Variants in TCHHL1 observed in about 807,000 individuals in gnomAD.
TCHHL1 encodes trichohyalin like 1.
TCHHL1 carries 1 observed loss-of-function variant against 3.5 expected under a neutral mutation model. The ratio of observed to expected loss-of-function variants is 0.29; its 90% CI spans 0.10 to 1.36. The LOEUF (loss-of-function observed/expected upper bound fraction) is 1.36, where lower values mean the gene tolerates loss of function less well. TCHHL1 is among the 40% of genes most tolerant of loss of function. The pLI is 0.43. For synonymous variants in TCHHL1, 405 were observed against 375.3 expected (o/e 1.08, Z -0.92); for missense variants, 1,027 against 1,032.8 (o/e 0.99, Z 0.08).
intron 1 of TCHHL1, among the ~76,000 whole-genome samples, chr1:152,088,384 C>T (rs935481195): frequency 2.6e-5 from 4 of 152,074 alleles, no homozygotes; most frequent in Admixed American, 6.6e-5. Context: ...GACAATTCAC[C>T]CCACTCTTCA....
In TCHHL1 at chr1:152,085,263, C is replaced by T. The variant is rs764320827; in HGVS notation, c.2419G>A (p.Glu807Lys). The change falls in exon 3 of 3, where the codon GAG becomes AAG. Residue 807 changes from glutamate to lysine, a missense_variant. Physicochemically the swap from Glu to Lys is moderately conservative, Grantham distance 56 (BLOSUM62 1). Coordinates refer to ENST00000368806, the MANE Select transcript of TCHHL1 (RefSeq NM_001008536.2). ...ACATTTGTTTGCTGCAGTATCTTCT[C>T]CTGTAGGTACTGGTATAGTGGACTG... ...YSSPLYQYLQ[E>K]KILQQTNVTQ... is the part of the protein sequence containing the mutation. The T allele has an allele frequency of 2.0e-5, 33 of 1,614,016 alleles. No homozygotes were observed. Among genetic ancestry groups the T allele is most frequent in the East Asian group, 2.2e-5 (1 of 44,892 alleles).
Position 152,087,002 on chromosome 1 carries a change from T to A in TCHHL1, c.680A>T (p.Gln227Leu). ...KTSSPTERKG[Q>L]DKEISQEGDE... ...TCCTTCCTGGGAGATCTCCTTATCTTGTCCCTTCCTCTCTGTGGGACTGCT... is the reference window on the plus strand; with the variant it reads ...TCCTTCCTGGGAGATCTCCTTATCTAGTCCCTTCCTCTCTGTGGGACTGCT... Residue 227 changes from glutamine to leucine, a missense_variant, in exon 3 of 3, where the codon CAA becomes CTA. This residue lies in a region of TCHHL1 where 338 missense variants were observed against 335.9 expected (regional missense o/e 1.01). Coordinates refer to ENST00000368806, the MANE Select transcript of TCHHL1 (RefSeq NM_001008536.2). The A allele has an allele frequency of 6.2e-7, 1 of 1,614,194 alleles. No homozygotes were observed. Among genetic ancestry groups the A allele is most frequent in the South Asian group, 1.1e-5 (1 of 91,072 alleles).
At chr1:152,087,952 T>C (rs1464339178) in intron 2 of TCHHL1, 54 bp downstream of exon 2, 4 of 1,521,572 alleles carry the variant, frequency 2.6e-6, no homozygotes, top group Non-Finnish European at 3.5e-6. Flanking sequence ...CTTGCTTGGA[T>C]TATAAAGAAA....
chr1:152,086,982 C>T lies in TCHHL1; in HGVS notation c.700G>A (p.Glu234Lys). 6.2e-7 allele frequency: 1 copy of T among 1,614,002 alleles called. No individual in the cohort carries two copies. The highest frequency in any genetic ancestry group is 8.5e-7 in the Non-Finnish European group (1 of 1,179,990). ...RKGQDKEISQ[E>K]GDEPAREQSV... Reference sequence around the variant, plus strand: ...TGCTCTCTGGCTGGTTCATCTCCTTCCTGGGAGATCTCCTTATCTTGTCCC... The same window carrying T: ...TGCTCTCTGGCTGGTTCATCTCCTTTCTGGGAGATCTCCTTATCTTGTCCC... The change falls in exon 3 of 3, where the codon GAA (glutamate) becomes AAA (lysine). Residue 234 changes from glutamate (E) to lysine (K), a missense_variant. Coordinates refer to ENST00000368806, the MANE Select transcript of TCHHL1 (RefSeq NM_001008536.2).
In TCHHL1 at chr1:152,085,735, G is replaced by A; in HGVS notation, c.1947C>T (p.Pro649=). 6.2e-7 allele frequency: 1 copy of A among 1,614,100 alleles called. No homozygotes were observed. The highest frequency in any genetic ancestry group is 1.1e-5 in the South Asian group (1 of 91,080). The part of the protein sequence containing the change: ...GTKGPGAAVE[P]NGHPEAQEST... ...ATTCCTGTGCTTCTGGGTGTCCATTGGGCTCCACAGCTGCACCTGGGCCTT... is the reference window on the plus strand; with the variant it reads ...ATTCCTGTGCTTCTGGGTGTCCATTAGGCTCCACAGCTGCACCTGGGCCTT... The change falls in exon 3 of 3, where the codon CCC becomes CCT. Residue 649 remains proline (P), a synonymous_variant. Transcript: ENST00000368806.
rs1315181584 is a variant in TCHHL1 at position 152,085,353 on chromosome 1, T to C, written c.2329A>G (p.Ser777Gly). The C allele has an allele frequency of 6.2e-7, 1 of 1,614,222 alleles. No homozygotes were observed. The highest frequency in any genetic ancestry group is 1.1e-5 in the South Asian group (1 of 91,082). ...TCTCTCTGCATCTGCTTTTCAAGAC[T>C]TGACCAGGGGACTGAAGAATTGTGC... is the stretch of plus-strand genomic sequence containing the variant. ...KEHNSSVPWS[S>G]LEKQMQRDQE... is the part of the protein sequence containing the mutation. The change falls in exon 3 of 3, where the codon AGT becomes GGT. Residue 777 changes from serine (S) to glycine (G), a missense_variant. Physicochemically the swap from Ser to Gly is moderately conservative, Grantham distance 56. Coordinates refer to ENST00000368806, the MANE Select transcript of TCHHL1 (RefSeq NM_001008536.2).
chr1:152,087,385 C>T lies in TCHHL1; in HGVS notation c.297G>A (p.Val99=). ...KSLLSSELRQ[V]TKPEKEKLDD... is the part of the protein sequence containing the mutation. ...CTAGCTTCTCCTTCTCTGGTTTAGT[C>T]ACCTGTCTTAGTTCAGAACTTAGTA... The change falls in exon 3 of 3, where the codon GTG becomes GTA. Residue 99 remains valine (V), a synonymous_variant. Transcript: ENST00000368806. 7 of 1,613,470 alleles carry T rather than the reference C, an allele frequency of 4.3e-6. No individual in the cohort carries two copies. Among genetic ancestry groups the T allele is most frequent in the Non-Finnish European group, 5.9e-6 (7 of 1,180,026 alleles).
Position 152,084,606 on chromosome 1 carries a change from C to G in TCHHL1, c.*361G>C, listed in dbSNP as rs757868004. On this transcript the variant is annotated 3_prime_UTR_variant, in exon 3 of 3. Transcript: ENST00000368806. ...TGATTATGAGATATTATTGCAGAGTCTTATAATTTCCTACTGCTCTATTTT... is the reference window on the plus strand; with the variant it reads ...TGATTATGAGATATTATTGCAGAGTGTTATAATTTCCTACTGCTCTATTTT... 3.2e-5 allele frequency: 6 copies of G among 187,374 alleles called. No homozygotes were observed. Among genetic ancestry groups the G allele is most frequent in the African/African-American group, 1.4e-4 (6 of 42,268 alleles). 11.6% of individuals were successfully genotyped at this position (187,374 alleles called of 1,614,324 possible).
At position 152,086,347 on chromosome 1, in the gene TCHHL1, T is replaced by C. The variant is rs751267356; in HGVS notation, c.1335A>G (p.Gln445=). 5.2e-5 allele frequency: 84 copies of C among 1,614,108 alleles called. No individual in the cohort carries two copies. The highest frequency in any genetic ancestry group is 6.9e-5 in the Non-Finnish European group (81 of 1,180,048). Residue 445 remains glutamine (Q), a synonymous_variant, in exon 3 of 3, where the codon CAA becomes CAG. Transcript: ENST00000368806. ...GATCTCCTCCTTCTGAGCTTAGATATTGTGTCTCAGAACCTTTTTCAGCAT... is the reference window on the plus strand; with the variant it reads ...GATCTCCTCCTTCTGAGCTTAGATACTGTGTCTCAGAACCTTTTTCAGCAT... ...SKDAEKGSET[Q]YLSSEGGDQT...
chr1:152,086,068 T>A lies in TCHHL1; in HGVS notation c.1614A>T (p.Pro538=). Residue 538 remains proline (P), a synonymous_variant, in exon 3 of 3, where the codon CCA becomes CCT. Transcript: ENST00000368806. The part of the protein sequence containing the change: ...DGYQGEDPES[P]FTQSDEGSSE... Reference sequence around the variant, plus strand: ...AAGACCCCTCATCACTCTGTGTGAATGGTGACTCAGGGTCCTCCCCCTGGT... The same window carrying A: ...AAGACCCCTCATCACTCTGTGTGAAAGGTGACTCAGGGTCCTCCCCCTGGT... The A allele has an allele frequency of 6.2e-7, 1 of 1,614,196 alleles. No homozygotes were observed. Among genetic ancestry groups the A allele is most frequent in the African/African-American group, 1.3e-5 (1 of 75,046 alleles).
At position 152,086,641 on chromosome 1, in the gene TCHHL1, T is replaced by C; in HGVS notation, c.1041A>G (p.Thr347=). The C allele has an allele frequency of 6.2e-7, 1 of 1,614,168 alleles. No homozygotes were observed. Among genetic ancestry groups the C allele is most frequent in the South Asian group, 1.1e-5 (1 of 91,076 alleles). ...AATCCTCAGGTTCACCCAAATTCTT[T>C]GTTTTAGCTGGTGTCTGGTCAGCAT... The part of the protein sequence containing the change: ...GKDADQTPAK[T]KNLGEPEDYG... Residue 347 remains threonine (T), a synonymous_variant, in exon 3 of 3, where the codon ACA becomes ACG. Transcript: ENST00000368806.
rs1557801788 is a variant in TCHHL1, at chr1:152,086,814, CT to C, written c.867del (p.Glu290AsnfsTer98). 1 of 1,614,096 alleles carries C rather than the reference CT, an allele frequency of 6.2e-7. No individual in the cohort carries two copies. Among genetic ancestry groups the C allele is most frequent in the East Asian group, 2.2e-5 (1 of 44,880 alleles). ...TCATCTTCTCTTTGTAGGGGTGGTT[CT>C]TGTATATTAGAGTGTTTTTCCTTTT... Reference protein sequence around the residue: ...RTEKEKHSNIQEPPLQREDEP... With the variant: ...RTEKEKHSNIXEPPLQREDEP... On this transcript the variant is annotated frameshift_variant, in exon 3 of 3. Coordinates refer to ENST00000368806, the MANE Select transcript of TCHHL1 (RefSeq NM_001008536.2). LOFTEE classifies it low-confidence loss of function (END_TRUNC).
rs1198387747 is a variant in TCHHL1, at chr1:152,087,534, G to T, written c.148C>A (p.Leu50Ile). The T allele has an allele frequency of 1.9e-6, 3 of 1,593,494 alleles. No homozygotes were observed. The highest frequency in any genetic ancestry group is 1.1e-5 in the South Asian group (1 of 89,388). The change falls in exon 3 of 3, where the codon CTT becomes ATT. Residue 50 changes from leucine to isoleucine, a missense_variant. Physicochemically the swap from Leu to Ile is conservative, Grantham distance 5. Coordinates refer to ENST00000368806, the MANE Select transcript of TCHHL1 (RefSeq NM_001008536.2). ...TTTGAATTTTTTTCCACAGCATGAA[G>T]GACACAGGGCTGCATGAAAACACAG... ...EFGDFFQPCV[L>I]HAVEKNSNLL...
rs746109853 is a variant in TCHHL1 at position 152,086,213 on chromosome 1, T to A, written c.1469A>T (p.Glu490Val). The A allele has an allele frequency of 6.2e-7, 1 of 1,614,244 alleles. No individual in the cohort carries two copies. The highest frequency in any genetic ancestry group is 1.1e-5 in the South Asian group (1 of 91,086). ...FVNSKNAPAAERTLGARERTQ... is the reference protein window; with the variant it reads ...FVNSKNAPAAVRTLGARERTQ... ...TCTTTCTCTTGCCCCCAGTGTCCTT[T>A]CTGCTGCAGGTGCGTTTTTGCTGTT... Residue 490 changes from glutamate to valine, a missense_variant, in exon 3 of 3, where the codon GAA (glutamate) becomes GTA (valine). Glu to Val is a moderately radical substitution (Grantham distance 121, BLOSUM62 -2). Around this residue, in one of 3 missense-constraint regions of TCHHL1, gnomAD observed 673 missense variants for 658.6 expected, o/e 1.02. Transcript: ENST00000368806.
Position 152,086,907 on chromosome 1 carries a change from C to T in TCHHL1, c.775G>A (p.Ala259Thr). 1 of 1,614,058 alleles carries T rather than the reference C, an allele frequency of 6.2e-7. No homozygotes were observed. Residue 259 changes from alanine to threonine, a missense_variant, in exon 3 of 3, where the codon GCA (alanine) becomes ACA (threonine). Transcript: ENST00000368806. ...DQFGEQEGNL[A>T]TQSSPPKEAT... is the part of the protein sequence containing the mutation. ...TCTTTTGGTGGTGAACTTTGGGTTG[C>T]CAAGTTTCCTTCCTGTTCTCCAAAC...
intron 1 of TCHHL1, among the ~76,000 whole-genome samples, chr1:152,088,810 C>G (rs1219359969): frequency 1.3e-5 from 2 of 152,074 alleles, no homozygotes; most frequent in Non-Finnish European, 1.5e-5. Context: ...CCTATGACTT[C>G]TAAACAATTT....
At position 152,086,330 on chromosome 1, in the gene TCHHL1, CCTT is replaced by C. The variant is rs1191424824; in HGVS notation, c.1349_1351del (p.Glu450del). The C allele has an allele frequency of 6.2e-7, 1 of 1,614,182 alleles. No individual in the cohort carries two copies. The highest frequency in any genetic ancestry group is 8.5e-7 in the Non-Finnish European group (1 of 1,180,034). On this transcript the variant is annotated inframe_deletion, in exon 3 of 3. Transcript: ENST00000368806. ...AAGTTCAGGGTGAGTCTGATCTCCTCCTTCTGAGCTTAGATATTGTGTCTCAGA... is the reference window on the plus strand; with the variant it reads ...AAGTTCAGGGTGAGTCTGATCTCCTCCTGAGCTTAGATATTGTGTCTCAGA...
At chr1:152,088,251 T>A in intron 1 of TCHHL1, 88 bp from the exon 2 acceptor site, 1 of 1,168,614 alleles carries the variant, frequency 8.6e-7, no homozygotes, top group Non-Finnish European at 1.2e-6. Context: ...TCCTCCCCCA[T>A]CTCCACTGCA....
chr1:152,085,297 T>A lies in TCHHL1; in HGVS notation c.2385A>T (p.Ala795=). Residue 795 remains alanine, a synonymous_variant, in exon 3 of 3, where the codon GCA becomes GCT. Coordinates refer to ENST00000368806, the MANE Select transcript of TCHHL1 (RefSeq NM_001008536.2). ...ACTGGTATAGTGGACTGGAATAGACTGCACCCCTCTCCACAGAACAGGGCT... is the reference window on the plus strand; with the variant it reads ...ACTGGTATAGTGGACTGGAATAGACAGCACCCCTCTCCACAGAACAGGGCT... ...DQEPCSVERG[A]VYSSPLYQYL... is the part of the protein sequence containing the mutation. 1 of 1,614,234 alleles carries A rather than the reference T, an allele frequency of 6.2e-7. No homozygotes were observed. The highest frequency in any genetic ancestry group is 8.5e-7 in the Non-Finnish European group (1 of 1,180,040).
Sources: allele counts gnomAD v4.1 joint callset (sites outside exome capture counted in the v4.1 genomes callset), GRCh38; gene constraint gnomAD v4.1.1; regional missense constraint gnomAD v4.1.1; transcripts MANE v1.5; gene names NCBI Gene and HGNC (gene_info 2026-07-23, HGNC 2026-07-21).